Variants in PTPRZ1 observed in about 807,000 individuals in gnomAD.
The protein encoded by PTPRZ1 is protein tyrosine phosphatase receptor type Z1, also known as receptor-type tyrosine-protein phosphatase zeta.
In PTPRZ1, 82 loss-of-function variants were observed where a neutral mutation model predicts 214.1. The observed-to-expected ratio is 0.38, with a 90% confidence interval of 0.32 to 0.46. PTPRZ1 has a LOEUF of 0.46. PTPRZ1 is among the 20% of genes least tolerant of loss of function. The pLI, the probability that PTPRZ1 is intolerant of heterozygous loss-of-function variation, is 1.00. For missense variants in PTPRZ1, 2,603 were observed against 2,748.7 expected, an observed-to-expected ratio of 0.95 and a Z score of 1.19; for synonymous variants, 945 against 987.9, an observed-to-expected ratio of 0.96 and a Z score of 0.81.
At chr7:121,983,352 G>T (rs1797670724) in intron 6 of PTPRZ1, among the ~76,000 whole-genome samples, 4 of 151,970 alleles carry the variant, frequency 2.6e-5, no homozygotes, top group Admixed American at 2.6e-4. Flanking sequence ...TCCATGAACT[G>T]GTATTGAGTC....
chr7:122,015,194 C>T (rs978511479), intron 12 of PTPRZ1, among the ~76,000 whole-genome samples: 3 of 152,018 alleles, frequency 2.0e-5, no homozygotes, highest in African/African-American at 7.2e-5. Flanking sequence ...TTATAATTTG[C>T]TTTTATTAAA....
intron 2 of PTPRZ1, among the ~76,000 whole-genome samples, chr7:121,955,641 A>G (rs1796683371): frequency 6.6e-6 from 1 of 152,218 alleles, no homozygotes; most frequent in African/African-American, 2.4e-5. Flanking sequence ...CCTGTAATTA[A>G]TCAACCTGCA....
intron 15 of PTPRZ1, 149 bp from the exon 16 acceptor site, chr7:122,033,946 A>T (rs1799460553): frequency 6.1e-6 from 4 of 655,452 alleles, no homozygotes; most frequent in Non-Finnish European, 1.0e-5. Flanking sequence ...ACTGTTTGAA[A>T]CATTCTGTTG....
intron 1 of PTPRZ1, chr7:121,908,786 A>G (rs759979290): frequency 2.0e-6 from 1 of 492,672 alleles, no homozygotes; most frequent in South Asian, 1.5e-5. Flanking sequence ...AGTGCTACTC[A>G]TCTTTCTGGG....
chr7:122,058,024 A>G (rs1435249881), intron 27 of PTPRZ1, among the ~76,000 whole-genome samples: 1 of 150,982 alleles, frequency 6.6e-6, no homozygotes, highest in Non-Finnish European at 1.5e-5. Context: ...TAGGACATTT[A>G]TTTTATTCCA....
chr7:122,020,069 G>T (rs1410696883), intron 13 of PTPRZ1, among the ~76,000 whole-genome samples: 1 of 152,050 alleles, frequency 6.6e-6, no homozygotes, highest in Non-Finnish European at 1.5e-5. Context: ...TTTTAAAAAA[G>T]AATTTTGTTC....
intron 6 of PTPRZ1, among the ~76,000 whole-genome samples, chr7:121,979,615 C>T (rs1009587374): frequency 3.3e-5 from 5 of 152,120 alleles, no homozygotes; most frequent in African/African-American, 1.2e-4. Flanking sequence ...TTGTTCCTCC[C>T]CATCTTTTTT....
At chr7:121,901,005 A>G (rs959282206) in intron 1 of PTPRZ1, among the ~76,000 whole-genome samples, 4 of 152,156 alleles carry the variant, frequency 2.6e-5, no homozygotes, top group South Asian at 2.1e-4. Context: ...GTTCAATATC[A>G]TGTAGCTGCT....
chr7:121,983,375 A>G (rs752103088), intron 6 of PTPRZ1, among the ~76,000 whole-genome samples: 1 of 151,972 alleles, frequency 6.6e-6, no homozygotes, highest in African/African-American at 2.4e-5. Context: ...ATGAAATGAT[A>G]TAACTATATC....
At chr7:122,057,971 T>C (rs1256484496) in intron 27 of PTPRZ1, among the ~76,000 whole-genome samples, 22 of 23,352 alleles carry the variant, frequency 9.4e-4, no homozygotes, top group Admixed American at 6.9e-3. Context: ...TGTGTGTGTA[T>C]ATATATACAT....
chr7:121,938,550 G>A (rs941673017), intron 2 of PTPRZ1, among the ~76,000 whole-genome samples: 1 of 152,208 alleles, frequency 6.6e-6, no homozygotes, highest in African/African-American at 2.4e-5. Context: ...TAGAAATTGG[G>A]AGAGTGGAGC....
At chr7:122,022,189 A>G (rs1799037208) in intron 13 of PTPRZ1, among the ~76,000 whole-genome samples, 1 of 152,248 alleles carries the variant, frequency 6.6e-6, no homozygotes, top group Non-Finnish European at 1.5e-5. Context: ...ATTAGGTAAT[A>G]TTGAAATATC....
intron 1 of PTPRZ1, among the ~76,000 whole-genome samples, chr7:121,914,301 C>T (rs760545471): frequency 6.6e-6 from 1 of 152,124 alleles, no homozygotes; most frequent in Non-Finnish European, 1.5e-5. Flanking sequence ...AACATTACTT[C>T]TTTTTTTAAG....
intron 2 of PTPRZ1, among the ~76,000 whole-genome samples, chr7:121,961,863 G>A (rs1796890847): frequency 6.6e-6 from 1 of 152,220 alleles, no homozygotes; most frequent in African/African-American, 2.4e-5. Context: ...AAGTCAATGA[G>A]TGGATGAAAG....
At chr7:122,028,721 C>T (rs963305478) in intron 14 of PTPRZ1, 78 bp downstream of exon 14, 16 of 1,129,932 alleles carry the variant, frequency 1.4e-5, no homozygotes, top group African/African-American at 1.2e-4. Context: ...TTGTTTTTAT[C>T]GGGACACTAT....
Position 122,012,092 on chromosome 7 carries a change from C to G in PTPRZ1, c.3046C>G (p.Leu1016Val), listed in dbSNP as rs1798685843. The stretch of plus-strand genomic sequence containing the variant: ...ACCTGACACAGATGGGCTGACAGCC[C>G]TTAACATTTCTTCACCTGTTTCTGT... ...LLPDTDGLTA[L>V]NISSPVSVAE... Residue 1016 changes from leucine (L) to valine (V), a missense_variant, in exon 12 of 30, where the codon CTT (leucine) becomes GTT (valine). Physicochemically the swap from Leu to Val is conservative, Grantham distance 32. Coordinates refer to ENST00000393386, the MANE Select transcript of PTPRZ1 (RefSeq NM_002851.3). 6.2e-7 allele frequency: 1 copy of G among 1,613,952 alleles called. No individual in the cohort carries two copies. The highest frequency in any genetic ancestry group is 1.7e-5 in the Admixed American group (1 of 59,996).
At chr7:121,914,850 A>G (rs550723661) in intron 1 of PTPRZ1, among the ~76,000 whole-genome samples, 89 of 152,208 alleles carry the variant, frequency 5.8e-4, no homozygotes, top group Admixed American at 5.0e-3. Context: ...TGTAACTTTC[A>G]TTTATTCACT....
chr7:121,982,164 A>G (rs1208842194), intron 6 of PTPRZ1, among the ~76,000 whole-genome samples: 2 of 152,130 alleles, frequency 1.3e-5, no homozygotes, highest in Admixed American at 6.5e-5. Context: ...TCCATTCCAC[A>G]TTCCATAATA....
At chr7:121,969,494 G>C (rs1023297268) in intron 3 of PTPRZ1, among the ~76,000 whole-genome samples, 2 of 150,732 alleles carry the variant, frequency 1.3e-5, no homozygotes, top group Non-Finnish European at 2.9e-5. Flanking sequence ...CCCAGGAGTC[G>C]GAGGTTGAGT....
Sources: gnomAD v4.1 joint callset for allele counts (sites outside exome capture counted in the v4.1 genomes callset) on GRCh38, gnomAD v4.1.1 for gene constraint, MANE v1.5 for transcripts, NCBI Gene and HGNC (gene_info 2026-07-23, HGNC 2026-07-21) for gene names.